Variants in ADAD1 observed in about 807,000 individuals in gnomAD.
ADAD1 encodes adenosine deaminase domain-containing protein 1.
ADAD1 carries 46 observed loss-of-function variants against 66.8 expected under a neutral mutation model. The ratio of observed to expected loss-of-function variants is 0.69; its 90% CI spans 0.54 to 0.88. The LOEUF (loss-of-function observed/expected upper bound fraction) is 0.88, where lower values mean the gene tolerates loss of function less well. Among genes scored for constraint, ADAD1 ranks in the 40% least tolerant of loss-of-function variants. The pLI is 0.00. For synonymous variants in ADAD1, 248 were observed against 229.4 expected, an observed-to-expected ratio of 1.08 and a Z score of -0.73; for missense variants, 617 against 681.8, an observed-to-expected ratio of 0.91 and a Z score of 1.06.
In ADAD1 at chr4:122,421,263, C is replaced by A. The variant is rs765133133; in HGVS notation, c.1490C>A (p.Ser497Tyr). 1 of 1,586,044 alleles carries A rather than the reference C, an allele frequency of 6.3e-7. No individual in the cohort carries two copies. The highest frequency in any genetic ancestry group is 8.6e-7 in the Non-Finnish European group (1 of 1,162,796). The change falls in exon 12 of 13, where the codon TCC (serine) becomes TAC (tyrosine). Residue 497 changes from serine (S) to tyrosine (Y), a missense_variant and splice_region_variant. Ser to Tyr is a moderately radical substitution (Grantham distance 144). Transcript: ENST00000296513. Reference sequence around the variant, plus strand: ...AAATTTTATTTCTCTCTGCTTAGTTCCCCATTTAAAAGTGGTATGTCAATG... The same window carrying A: ...AAATTTTATTTCTCTCTGCTTAGTTACCCATTTAAAAGTGGTATGTCAATG... ...DGLSGKITES[S>Y]PFKSGMSMAS...
chr4:122,394,432 C>A (rs1329386780), intron 6 of ADAD1, among the ~76,000 whole-genome samples: 1 of 152,132 alleles, frequency 6.6e-6, no homozygotes, highest in Admixed American at 6.5e-5. Flanking sequence ...GGAAAGGAGC[C>A]TTTATTTTCC....
chr4:122,391,766 A>G (rs777256056), intron 5 of ADAD1, among the ~76,000 whole-genome samples: 8 of 152,176 alleles, frequency 5.3e-5, no homozygotes, highest in African/African-American at 1.7e-4. Flanking sequence ...CTGGAGGGCA[A>G]TGGCGCAGTC....
In ADAD1 at chr4:122,421,263, C is replaced by G. The variant is rs765133133; in HGVS notation, c.1490C>G (p.Ser497Cys). Residue 497 changes from serine (S) to cysteine (C), a missense_variant and splice_region_variant, in exon 12 of 13, where the codon TCC becomes TGC. Transcript: ENST00000296513. ...DGLSGKITESSPFKSGMSMAS... is the reference protein window; with the variant it reads ...DGLSGKITESCPFKSGMSMAS... ...AAATTTTATTTCTCTCTGCTTAGTT[C>G]CCCATTTAAAAGTGGTATGTCAATG... 14 of 1,586,044 alleles carry G rather than the reference C, an allele frequency of 8.8e-6. No individual in the cohort carries two copies. Among genetic ancestry groups the G allele is most frequent in the Non-Finnish European group, 1.2e-5 (14 of 1,162,796 alleles).
chr4:122,398,317 G>GGTGTGTGTGT (rs112075307), intron 7 of ADAD1, among the ~76,000 whole-genome samples: 4 of 148,580 alleles, frequency 2.7e-5, no homozygotes, highest in African/African-American at 9.9e-5. Context: ...AGTATTCCAG[G>GGTGTGTGTGT]GTGTGTGTGT....
chr4:122,382,440 A>G (rs1794947710), intron 4 of ADAD1, among the ~76,000 whole-genome samples: 1 of 152,190 alleles, frequency 6.6e-6, no homozygotes, highest in Non-Finnish European at 1.5e-5. Flanking sequence ...AGACTTACTA[A>G]TAAATTTTAG....
chr4:122,421,247 T>G lies in ADAD1; in HGVS notation c.1488-14T>G, dbSNP rs1258345252. ...GAAAAAGAAATTTAAAAAATTTTAT[T>G]TCTCTCTGCTTAGTTCCCCATTTAA... On this transcript the variant is annotated splice_polypyrimidine_tract_variant and intron_variant, in intron 11 of 12. Coordinates refer to ENST00000296513, the MANE Select transcript of ADAD1 (RefSeq NM_139243.4). 1 of 1,521,804 alleles carries G rather than the reference T, an allele frequency of 6.6e-7. No homozygotes were observed. The highest frequency in any genetic ancestry group is 2.3e-5 in the East Asian group (1 of 43,696). The allele number at this position is 1,521,804 out of a possible 1,614,324, so 94.3% of individuals were successfully genotyped here.
intron 9 of ADAD1, among the ~76,000 whole-genome samples, chr4:122,411,997 A>G (rs913464508): frequency 5.3e-5 from 8 of 152,162 alleles, no homozygotes; most frequent in African/African-American, 1.9e-4. Context: ...GCTTTGATGA[A>G]TGAATATCAT....
intron 7 of ADAD1, among the ~76,000 whole-genome samples, chr4:122,404,474 G>T (rs1796118393): frequency 6.6e-6 from 1 of 152,112 alleles, no homozygotes; most frequent in Admixed American, 6.5e-5. Flanking sequence ...TCCCCAGTAG[G>T]GATGTGTGTT....
intron 11 of ADAD1, among the ~76,000 whole-genome samples, chr4:122,416,915 GTCT>G (rs753376510): frequency 8.6e-5 from 13 of 152,030 alleles, no homozygotes; most frequent in Non-Finnish European, 1.8e-4. Context: ...AGACAAACAG[GTCT>G]TCTATGAAAG....
chr4:122,413,603 C>T (rs1042127760), intron 10 of ADAD1, among the ~76,000 whole-genome samples: 2 of 151,830 alleles, frequency 1.3e-5, no homozygotes, highest in African/African-American at 4.8e-5. Flanking sequence ...TTTTCATATA[C>T]TGATTTGATT....
chr4:122,393,884 A>G lies in ADAD1; in HGVS notation c.598+227A>G, dbSNP rs1401722751. Among the ~76,000 whole-genome samples the G allele has an allele frequency of 2.6e-5, 4 of 152,270 alleles. No homozygotes were observed. The East Asian group carries it at 7.7e-4, about 29-fold the overall frequency. On this transcript the variant is annotated intron_variant, in intron 6 of 12. Coordinates refer to ENST00000296513, the MANE Select transcript of ADAD1 (RefSeq NM_139243.4). ...GAAAAGATTTTTTTTTCCTATAAGG[A>G]GATGTTTTATCAATTTCATACATCT...
chr4:122,408,904 T>G (rs1796347885), intron 8 of ADAD1, among the ~76,000 whole-genome samples: 1 of 151,752 alleles, frequency 6.6e-6, no homozygotes, highest in Admixed American at 6.6e-5. Flanking sequence ...AATCCTACAA[T>G]ATATTTTTTT....
chr4:122,387,016 T>C (rs1028587357), intron 5 of ADAD1, among the ~76,000 whole-genome samples: 3 of 152,190 alleles, frequency 2.0e-5, no homozygotes, highest in African/African-American at 7.2e-5. Flanking sequence ...CTTGGCTATA[T>C]GGGGTCTTCT....
chr4:122,429,126 TA>T lies in ADAD1; in HGVS notation c.1618-488del, dbSNP rs778440960. Among the ~76,000 whole-genome samples, 453 of 139,636 alleles carry T rather than the reference TA, an allele frequency of 3.2e-3. 1 individual carries two copies. Among genetic ancestry groups the T allele is most frequent in the African/African-American group, 7.2e-3 (255 of 35,642 alleles). The allele number at this position is 139,636 out of a possible 152,430, so 91.6% of individuals were successfully genotyped here. On this transcript the variant is annotated intron_variant, in intron 12 of 12. Coordinates refer to ENST00000296513, the MANE Select transcript of ADAD1 (RefSeq NM_139243.4). ...TGATTAATCTTTTAATTTAAAATGT[TA>T]AAAAAAAAAAAGAACAAGAAGAAAA... is the stretch of plus-strand genomic sequence containing the variant.
intron 11 of ADAD1, among the ~76,000 whole-genome samples, chr4:122,418,592 G>C (rs183198777): frequency 6.6e-6 from 1 of 152,132 alleles, no homozygotes; most frequent in Admixed American, 6.5e-5. Flanking sequence ...AAAGTGCTGG[G>C]ATTACAGGCG....
At chr4:122,408,317 C>G (rs957330779) in intron 8 of ADAD1, among the ~76,000 whole-genome samples, 5 of 152,150 alleles carry the variant, frequency 3.3e-5, no homozygotes, top group Admixed American at 3.3e-4. Flanking sequence ...TTTTGCTGCC[C>G]AGGCTGGAAT....
chr4:122,385,579 AGTTT>A (rs576335310), intron 5 of ADAD1, among the ~76,000 whole-genome samples: 23 of 152,074 alleles, frequency 1.5e-4, no homozygotes, highest in Non-Finnish European at 2.6e-4. Flanking sequence ...GGACTGATGT[AGTTT>A]GTTTGTTTTT....
chr4:122,418,635 A>G (rs1376750150), intron 11 of ADAD1, among the ~76,000 whole-genome samples: 2 of 152,064 alleles, frequency 1.3e-5, no homozygotes, highest in Non-Finnish European at 2.9e-5. Flanking sequence ...TTCATGAGAA[A>G]GTTACCAAGA....
intron 7 of ADAD1, among the ~76,000 whole-genome samples, chr4:122,397,830 C>T (rs1038242617): frequency 3.3e-5 from 5 of 152,018 alleles, no homozygotes; most frequent in East Asian, 1.9e-4. Flanking sequence ...TAGTGTGAAG[C>T]TGATTGAAGA....
Sources: gnomAD v4.1 joint callset for allele counts (sites outside exome capture counted in the v4.1 genomes callset) on GRCh38, gnomAD v4.1.1 for gene constraint, MANE v1.5 for transcripts, NCBI Gene and HGNC (gene_info 2026-07-23, HGNC 2026-07-21) for gene names.